Variants in SNRPN observed in about 807,000 individuals in gnomAD.
The protein encoded by SNRPN is small nuclear ribonucleoprotein polypeptide N, also known as small nuclear ribonucleoprotein-associated protein N.
A neutral mutation model predicts 25.2 loss-of-function variants in SNRPN; 7 were observed. The observed-to-expected ratio is 0.28, with a 90% CI of 0.16 to 0.52. The LOEUF is 0.52. SNRPN is among the 20% of genes least tolerant of loss of function. The probability of loss-of-function intolerance (pLI) is 0.96; values close to 1 mark genes in which losing one functional copy is unlikely to be tolerated. For synonymous variants in SNRPN, 124 were observed against 110.6 expected (o/e 1.12, Z -0.76); for missense variants, 196 against 322.5 (o/e 0.61, Z 3.00).
intron 3 of SNRPN, among the ~76,000 whole-genome samples, chr15:24,971,651 G>T (rs908197383): frequency 1.3e-5 from 2 of 152,094 alleles, no homozygotes; most frequent in African/African-American, 4.8e-5. Context: ...CGCTAAGCTT[G>T]TGGGAGTTAT....
At position 24,878,357 on chromosome 15, in the gene SNRPN, G is replaced by A. The variant is rs116435866; in HGVS notation, c.-578-8159G>A. ...GTTCTGAGCGGCCGACAAACCCGCA[G>A]TGCGCTACGGGAAGGTCACCTGACA... On this transcript the variant is annotated intron_variant, in intron 1 of 11. Coordinates refer to the SNRPN transcript ENST00000400097. Among the ~76,000 whole-genome samples the A allele has an allele frequency of 7.1e-3, 1,078 of 152,142 alleles. 15 individuals are homozygous for A. Among genetic ancestry groups the A allele is most frequent in the African/African-American group, 0.025 (1,029 of 41,568 alleles).
intron 2 of SNRPN, among the ~76,000 whole-genome samples, chr15:24,839,337 A>G (rs1462365652): frequency 2.0e-5 from 3 of 151,970 alleles, no homozygotes; most frequent in Admixed American, 2.0e-4. Flanking sequence ...TCTTGGTGAG[A>G]CTGAGGTCCT....
At chr15:24,866,879 C>A (rs989950730) in intron 1 of SNRPN, among the ~76,000 whole-genome samples, 2 of 147,160 alleles carry the variant, frequency 1.4e-5, no homozygotes, top group Non-Finnish European at 3.0e-5. Flanking sequence ...TTTTTATATG[C>A]CTCAGTAGTA....
upstream of SNRPN, among the ~76,000 whole-genome samples, chr15:24,855,995 C>A (rs957496324): frequency 2.0e-5 from 3 of 151,938 alleles, no homozygotes; most frequent in Non-Finnish European, 2.9e-5. Context: ...ATTCACATTT[C>A]CCCAATTAAT....
intron 2 of SNRPN, among the ~76,000 whole-genome samples, chr15:24,915,082 C>T (rs1448661609): frequency 6.6e-6 from 1 of 151,836 alleles, no homozygotes; most frequent in East Asian, 1.9e-4. Flanking sequence ...GATCAGATAT[C>T]AAGGGTGATC....
intron 1 of SNRPN, among the ~76,000 whole-genome samples, chr15:24,880,788 G>A (rs1337979831): frequency 1.3e-5 from 2 of 151,684 alleles, no homozygotes; most frequent in Non-Finnish European, 2.9e-5. Context: ...CTGTTGTCCA[G>A]GCTGGAGTGG....
At chr15:24,842,390 T>G (rs1010250009) in intron 2 of SNRPN, among the ~76,000 whole-genome samples, 25 of 152,108 alleles carry the variant, frequency 1.6e-4, no homozygotes, top group Admixed American at 9.8e-4. Context: ...GGATGCACAT[T>G]TATTATTTAC....
chr15:24,968,250 C>G lies in SNRPN; in HGVS notation c.-144+168C>G, dbSNP rs1596288780. On this transcript the variant is annotated intron_variant, in intron 3 of 9. Transcript: ENST00000390687. ...TTTGCAGGACCTTAAATTTTCTGCC[C>G]TGACACTTTCGTCATGTTTCTGTAT... 4 of 527,424 alleles carry G rather than the reference C, an allele frequency of 7.6e-6. 1 individual carries two copies. In the East Asian group the frequency reaches 1.3e-4, roughly 18 times the overall value. The allele number at this position is 527,424 out of a possible 1,614,324, so 32.7% of individuals were successfully genotyped here. A position where few individuals can be genotyped will look rare whatever the true frequency, so the allele number is the denominator to read the frequency against.
In SNRPN at chr15:24,872,020, A is replaced by G. The variant is rs898093376; in HGVS notation, c.-578-14496A>G. The stretch of plus-strand genomic sequence containing the variant: ...ACGCCCGGCCTTTTGTCCTCTTTTT[A>G]GGGTTGTTTTATACTTCTTGATAGT... On this transcript the variant is annotated intron_variant, in intron 1 of 11. Transcript: ENST00000400097. Among the ~76,000 whole-genome samples the G allele has an allele frequency of 1.7e-5, 2 of 119,860 alleles. 1 individual carries two copies. The highest frequency in any genetic ancestry group is 3.7e-5 in the Non-Finnish European group (2 of 54,592). The allele number at this position is 119,860 out of a possible 152,430, so 78.6% of individuals were successfully genotyped here.
intron 3 of SNRPN, among the ~76,000 whole-genome samples, chr15:24,930,590 CAAAAAAAA>C (rs67708507): frequency 1.0e-5 from 1 of 98,362 alleles, no homozygotes; most frequent in African/African-American, 3.9e-5. Context: ...TACAAAAATA[CAAAAAAAA>C]AAAAAAAAAA....
chr15:24,884,452 A>G (rs951085151), intron 1 of SNRPN, among the ~76,000 whole-genome samples: 1 of 152,148 alleles, frequency 6.6e-6, no homozygotes, highest in Non-Finnish European at 1.5e-5. Context: ...CACAGAGAGG[A>G]AAGGAGAGAT....
intron 3 of SNRPN, among the ~76,000 whole-genome samples, chr15:24,936,152 A>G (rs1440020125): frequency 6.6e-6 from 1 of 151,846 alleles, no homozygotes; most frequent in East Asian, 1.9e-4. Flanking sequence ...TCCCTTTTGC[A>G]CCTAATCTCC....
chr15:24,830,556 A>G (rs998292658), intron 2 of SNRPN, among the ~76,000 whole-genome samples: 5 of 152,090 alleles, frequency 3.3e-5, no homozygotes, highest in Admixed American at 2.0e-4. Flanking sequence ...CTTTTCTAAT[A>G]TATACACACT....
intron 3 of SNRPN, among the ~76,000 whole-genome samples, chr15:24,971,219 T>C (rs2076358989): frequency 6.6e-6 from 1 of 152,232 alleles, no homozygotes; most frequent in African/African-American, 2.4e-5. Context: ...AATTTGCTTA[T>C]GTGCCCTTTG....
intron 3 of SNRPN, among the ~76,000 whole-genome samples, chr15:24,935,508 G>C (rs528427166): frequency 1.5e-4 from 23 of 152,294 alleles, no homozygotes; most frequent in African/African-American, 5.5e-4. Flanking sequence ...GATAGGGAAT[G>C]TTTTGTTTCT....
rs565624563 is a variant in SNRPN, at chr15:24,826,326, A to T, written c.-687+2476A>T. ...TTTCATCTCAACACAAAACTCTCCAAAAGTCCTTGCTGCTCCACAGCAGGG... is the reference window on the plus strand; with the variant it reads ...TTTCATCTCAACACAAAACTCTCCATAAGTCCTTGCTGCTCCACAGCAGGG... On this transcript the variant is annotated intron_variant, in intron 1 of 12. Coordinates refer to the SNRPN transcript ENST00000400100. 1.3e-4 allele frequency among the ~76,000 whole-genome samples: 20 copies of T among 152,178 alleles called. 1 individual carries two copies. The highest frequency in any genetic ancestry group is 4.6e-4 in the African/African-American group (19 of 41,448).
chr15:24,962,174 C>G lies in SNRPN; in HGVS notation c.-330C>G. 8 of 1,614,114 alleles carry G rather than the reference C, an allele frequency of 5.0e-6. No individual in the cohort carries two copies. The highest frequency in any genetic ancestry group is 6.8e-6 in the Non-Finnish European group (8 of 1,180,026). On this transcript the variant is annotated 5_prime_UTR_variant, in exon 2 of 10. Coordinates refer to ENST00000390687, the MANE Select transcript of SNRPN (RefSeq NM_003097.6). ...ACGTACCAGAGGTGGAAGTCCAAGT[C>G]AAACGCAGAAGGACTGCCTCACTGA...
chr15:24,862,988 C>A (rs1230233004), intron 1 of SNRPN, among the ~76,000 whole-genome samples: 1 of 151,004 alleles, frequency 6.6e-6, no homozygotes, highest in African/African-American at 2.5e-5. Flanking sequence ...GGAAGTGATG[C>A]AGAGGCTGCT....
At chr15:24,919,697 G>C (rs961565014) in intron 2 of SNRPN, among the ~76,000 whole-genome samples, 1 of 152,138 alleles carries the variant, frequency 6.6e-6, no homozygotes, top group African/African-American at 2.4e-5. Flanking sequence ...TCACTTGGGG[G>C]ATGGTGCAGG....
Sources: allele counts gnomAD v4.1 joint callset (sites outside exome capture counted in the v4.1 genomes callset), GRCh38; gene constraint gnomAD v4.1.1; transcripts MANE v1.5; gene names NCBI Gene and HGNC (gene_info 2026-07-23, HGNC 2026-07-21).